NFILZ: variants seen among roughly 807,000 people sequenced by gnomAD.
NFILZ encodes the protein NFIL3 like protein.
intron 3 of NFILZ, among the ~76,000 whole-genome samples, chr19:8,636,223 GT>G (rs554319457): frequency 0.039 from 5,944 of 151,360 alleles, 360 homozygotes; most frequent in African/African-American, 0.13. Context: ...GCCGAGGCGG[GT>G]GAATCACGGG....
chr19:8,673,410 TC>T (rs1269861396), intron 3 of NFILZ, among the ~76,000 whole-genome samples: 5 of 152,130 alleles, frequency 3.3e-5, no homozygotes, highest in South Asian at 4.1e-4. Flanking sequence ...ACCCAGGGCG[TC>T]CCGTCTGGCA....
intron 3 of NFILZ, among the ~76,000 whole-genome samples, chr19:8,647,788 C>CAT (rs2042946861): frequency 9.3e-6 from 1 of 107,038 alleles, no homozygotes; most frequent in Non-Finnish European, 1.9e-5. Flanking sequence ...TGCGCGCGCG[C>CAT]GCGCGCGCAC....
In NFILZ at chr19:8,676,776, G is replaced by T. The variant is rs2043111909; in HGVS notation, c.11G>T (p.Gly4Val). The T allele has an allele frequency of 6.6e-6, 1 of 152,424 alleles. No homozygotes were observed. The highest frequency in any genetic ancestry group is 1.5e-5 in the Non-Finnish European group (1 of 68,158). The allele number at this position is 152,424 out of a possible 1,614,324, so 9.4% of individuals were successfully genotyped here. A position where few individuals can be genotyped will look rare whatever the true frequency, so the allele number is the denominator to read the frequency against. ...GTTCTCCAAGCAGCTATGGATGTGG[G>T]TTTCTCGGGCCTGCCAGATGTGTCT... Reference protein sequence around the residue: MDVGFSGLPDVSQS... With the variant: MDVVFSGLPDVSQS... Residue 4 changes from glycine to valine, a missense_variant, in exon 6 of 6, where the codon GGT becomes GTT. Gly to Val is a moderately radical substitution (Grantham distance 109, BLOSUM62 -3). Coordinates refer to ENST00000691075, the MANE Select transcript of NFILZ (RefSeq NM_001378600.1).
At chr19:8,646,189 A>C (rs761632215) in intron 3 of NFILZ, among the ~76,000 whole-genome samples, 6 of 151,972 alleles carry the variant, frequency 3.9e-5, no homozygotes, top group Non-Finnish European at 7.4e-5. Context: ...GGTGTGTTCC[A>C]CCACACCCAA....
At position 8,678,111 on chromosome 19, in the gene NFILZ, A is replaced by T. The variant is rs1292753614; in HGVS notation, c.*476A>T. On this transcript the variant is annotated 3_prime_UTR_variant, in exon 6 of 6. Transcript: ENST00000691075. ...ATCCATTCCATCCATCCATCCATCCATCCATCCATCCATCCCTCCATCCAT... is the reference window on the plus strand; with the variant it reads ...ATCCATTCCATCCATCCATCCATCCTTCCATCCATCCATCCCTCCATCCAT... Among the ~76,000 whole-genome samples, 451 of 9,078 alleles carry T rather than the reference A, an allele frequency of 0.05. 2 individuals carry two copies. The highest frequency in any genetic ancestry group is 0.12 in the Middle Eastern group (2 of 16). The allele number at this position is 9,078 out of a possible 152,430, so 6.0% of individuals were successfully genotyped here. A position where few individuals can be genotyped will look rare whatever the true frequency, so the allele number is the denominator to read the frequency against.
intron 3 of NFILZ, among the ~76,000 whole-genome samples, chr19:8,660,930 A>G (rs1334317606): frequency 7.7e-6 from 1 of 130,418 alleles, no homozygotes; most frequent in Non-Finnish European, 1.7e-5. Context: ...GTGAGCCACC[A>G]TACCTGCCCT....
chr19:8,653,501 C>G (rs566506037), intron 3 of NFILZ, among the ~76,000 whole-genome samples: 6 of 152,040 alleles, frequency 3.9e-5, no homozygotes, highest in Non-Finnish European at 7.3e-5. Flanking sequence ...GAACGCTGCT[C>G]GAAATAAATG....
In NFILZ at chr19:8,679,165, C is replaced by T. The variant is rs1254818514; in HGVS notation, c.*1530C>T. ...CCCCTGAGAACCAGGTATACACCCA[C>T]CCAGGTGGAAGGGTCCATTCTGCAG... On this transcript the variant is annotated 3_prime_UTR_variant, in exon 6 of 6. Transcript: ENST00000691075. Among the ~76,000 whole-genome samples the T allele has an allele frequency of 6.6e-6, 1 of 152,138 alleles. No individual in the cohort carries two copies. Among genetic ancestry groups the T allele is most frequent in the African/African-American group, 2.4e-5 (1 of 41,424 alleles).
chr19:8,649,472 G>T (rs1005292244), intron 3 of NFILZ, among the ~76,000 whole-genome samples: 2 of 152,008 alleles, frequency 1.3e-5, no homozygotes, highest in African/African-American at 2.4e-5. Flanking sequence ...TTGCCATGTT[G>T]GCCAGGCTGG....
intron 3 of NFILZ, among the ~76,000 whole-genome samples, chr19:8,672,017 GC>G (rs1375756420): frequency 2.6e-5 from 4 of 152,182 alleles, no homozygotes; most frequent in African/African-American, 4.8e-5. Flanking sequence ...TATGGGTTCT[GC>G]CCTTTTGAGT....
At position 8,678,043 on chromosome 19, in the gene NFILZ, T is replaced by TTCAG. The variant is rs2043120629; in HGVS notation, c.*408_*409insTCAG. Among the ~76,000 whole-genome samples the TTCAG allele has an allele frequency of 2.2e-5, 1 of 45,206 alleles. No individual in the cohort carries two copies. Among genetic ancestry groups the TTCAG allele is most frequent in the African/African-American group, 8.4e-5 (1 of 11,840 alleles). The allele number at this position is 45,206 out of a possible 152,430, so 29.7% of individuals were successfully genotyped here. A position where few individuals can be genotyped will look rare whatever the true frequency, so the allele number is the denominator to read the frequency against. ...CCTTATCCATCTATCCATCCATCCA[T>TTCAG]CCATCCATCCACCCATCTATTCATC... On this transcript the variant is annotated 3_prime_UTR_variant, in exon 6 of 6. Transcript: ENST00000691075.
chr19:8,661,540 A>G (rs1276739931), intron 3 of NFILZ, among the ~76,000 whole-genome samples: 1 of 152,140 alleles, frequency 6.6e-6, no homozygotes, highest in Non-Finnish European at 1.5e-5. Flanking sequence ...CACACAGTAC[A>G]CATACATCAA....
chr19:8,639,750 T>C (rs2042910842), intron 3 of NFILZ, among the ~76,000 whole-genome samples: 1 of 152,132 alleles, frequency 6.6e-6, no homozygotes, highest in South Asian at 2.1e-4. Flanking sequence ...TGTAAAGTGA[T>C]AGGCCAGTGT....
chr19:8,658,281 C>A (rs184042787), intron 3 of NFILZ, among the ~76,000 whole-genome samples: 1 of 152,100 alleles, frequency 6.6e-6, no homozygotes, highest in Non-Finnish European at 1.5e-5. Context: ...GGCTCAGCTG[C>A]GGGCACTTCC....
rs1419536133 is a variant in NFILZ, at chr19:8,677,178, G to C, written c.413G>C (p.Cys138Ser). 1 of 152,620 alleles carries C rather than the reference G, an allele frequency of 6.6e-6. No individual in the cohort carries two copies. Among genetic ancestry groups the C allele is most frequent in the Non-Finnish European group, 1.5e-5 (1 of 68,318 alleles). 9.5% of individuals were successfully genotyped at this position (152,620 alleles called of 1,614,324 possible). A position where few individuals can be genotyped will look rare whatever the true frequency, so the allele number is the denominator to read the frequency against. ...TCATCCTTGTCTGGCTCTCACAGCT[G>C]CCTCTTAAGGCCACGTTCCCTGGAT... is the stretch of plus-strand genomic sequence containing the variant. ...ALSSLSGSHS[C>S]LLRPRSLDAG... The change falls in exon 6 of 6, where the codon TGC becomes TCC. Residue 138 changes from cysteine to serine, a missense_variant. By Grantham distance (112) the Cys-to-Ser change is moderately radical (BLOSUM62 -1). Coordinates refer to ENST00000691075, the MANE Select transcript of NFILZ (RefSeq NM_001378600.1).
chr19:8,654,342 C>A (rs1230621191), intron 3 of NFILZ, among the ~76,000 whole-genome samples: 4 of 147,650 alleles, frequency 2.7e-5, no homozygotes, highest in African/African-American at 9.9e-5. Context: ...TTATGGCTGG[C>A]AGTGGTGGCT....
intron 3 of NFILZ, among the ~76,000 whole-genome samples, chr19:8,654,263 C>T (rs2146150571): frequency 6.7e-6 from 1 of 148,940 alleles, no homozygotes; most frequent in Non-Finnish European, 1.5e-5. Context: ...AACAAACAAA[C>T]AAACCAAAAA....
At chr19:8,641,177 G>A (rs782039933) in intron 3 of NFILZ, among the ~76,000 whole-genome samples, 4 of 151,670 alleles carry the variant, frequency 2.6e-5, no homozygotes, top group Middle Eastern at 3.5e-3. Context: ...AGCCTCCCGC[G>A]TAGCTGGGAC....
intron 3 of NFILZ, among the ~76,000 whole-genome samples, chr19:8,666,347 T>G (rs879956055): frequency 6.6e-6 from 1 of 151,508 alleles, no homozygotes; most frequent in African/African-American, 2.4e-5. Context: ...TTTTTTTTTT[T>G]GATTTTTTTG....
Sources: allele counts gnomAD v4.1 joint callset (sites outside exome capture counted in the v4.1 genomes callset), GRCh38; gene constraint gnomAD v4.1.1; transcripts MANE v1.5; gene names NCBI Gene and HGNC (gene_info 2026-07-23, HGNC 2026-07-21).